RHBDD1: variants seen among roughly 807,000 people sequenced by gnomAD.
RHBDD1 encodes the protein rhomboid-related protein 4.
Under a neutral mutation model 36.3 loss-of-function variants are expected in RHBDD1, and 38 were observed. That is an observed-to-expected ratio of 1.05 (90% confidence interval 0.81 to 1.37). The LOEUF is 1.37. Ranked by LOEUF, RHBDD1 falls within the 40% of genes most tolerant of loss-of-function variation. RHBDD1 has a pLI of 0.00. For synonymous variants in RHBDD1, 151 were observed against 136.5 expected (o/e 1.11, Z -0.74); for missense variants, 393 against 377.6 (o/e 1.04, Z -0.34).
chr2:226,970,567 C>G (rs185682789), intron 8 of RHBDD1, among the ~76,000 whole-genome samples: 1 of 152,190 alleles, frequency 6.6e-6, no homozygotes, highest in African/African-American at 2.4e-5. Flanking sequence ...AGGTCCATTT[C>G]TCTTCTCAGG....
At chr2:226,801,162 G>A in the RHBDD1 span, among the ~76,000 whole-genome samples, 7 of 152,328 alleles carry the variant, frequency 4.6e-5, no homozygotes, top group Non-Finnish European at 8.8e-5. Context: ...TGCTGGCTGG[G>A]CACTCAGCAG....
chr2:226,956,977 GA>G (rs914164478), intron 8 of RHBDD1, among the ~76,000 whole-genome samples: 13 of 152,286 alleles, frequency 8.5e-5, no homozygotes, highest in African/African-American at 3.1e-4. Flanking sequence ...CTTCAAGGTT[GA>G]AAAAGATAAG....
chr2:226,968,242 G>T (rs1210760354), intron 8 of RHBDD1, among the ~76,000 whole-genome samples: 1 of 152,162 alleles, frequency 6.6e-6, no homozygotes, highest in Non-Finnish European at 1.5e-5. Context: ...GGTTCAACCA[G>T]GAGACAAAAC....
At chr2:226,914,147 A>G in intron 7 of RHBDD1, 61 bp from the exon 8 acceptor site, 2 of 1,493,466 alleles carry the variant, frequency 1.3e-6, no homozygotes, top group Non-Finnish European at 9.2e-7. Flanking sequence ...CTTATACAAA[A>G]CAGGAAGTAT....
At chr2:226,911,741 A>C (rs1290533766) in intron 7 of RHBDD1, among the ~76,000 whole-genome samples, 3 of 152,036 alleles carry the variant, frequency 2.0e-5, no homozygotes, top group African/African-American at 7.2e-5. Flanking sequence ...GTAAGATCCA[A>C]GTTCAGTTTT....
Position 226,906,880 on chromosome 2 carries a change from A to G in RHBDD1, c.654A>G (p.Ala218=), listed in dbSNP as rs1425510459. 6.2e-7 allele frequency: 1 copy of G among 1,614,134 alleles called. No individual in the cohort carries two copies. The highest frequency in any genetic ancestry group is 1.3e-5 in the African/African-American group (1 of 75,072). ...TGAAGAAAATCATGGAAGCATGTGC[A>G]GGTACAGAATAAAACACCTTTGGCA... ...GPLKKIMEAC[A]GGFSSSVGYP... Residue 218 remains alanine, a splice_region_variant and synonymous_variant, in exon 6 of 9, where the codon GCA becomes GCG. Coordinates refer to ENST00000392062, the MANE Select transcript of RHBDD1 (RefSeq NM_001167608.3).
the RHBDD1 span, among the ~76,000 whole-genome samples, chr2:226,800,468 A>G: frequency 2.0e-5 from 3 of 152,164 alleles, no homozygotes; most frequent in Non-Finnish European, 4.4e-5. Flanking sequence ...TCACTACAAA[A>G]GGAGAACAGG....
intron 8 of RHBDD1, among the ~76,000 whole-genome samples, chr2:226,917,532 T>C (rs1000757229): frequency 6.6e-6 from 1 of 152,110 alleles, no homozygotes; most frequent in Non-Finnish European, 1.5e-5. Flanking sequence ...ACTAGTTGCT[T>C]GGTTTGAAAA....
At chr2:226,922,449 C>A (rs892694202) in intron 8 of RHBDD1, among the ~76,000 whole-genome samples, 1 of 151,830 alleles carries the variant, frequency 6.6e-6, no homozygotes, top group East Asian at 1.9e-4. Flanking sequence ...CCTTGTGATC[C>A]GCCCACCTCG....
intron 5 of RHBDD1, among the ~76,000 whole-genome samples, chr2:226,903,323 G>T (rs1947747125): frequency 6.6e-6 from 1 of 152,156 alleles, no homozygotes; most frequent in South Asian, 2.1e-4. Flanking sequence ...ATTTCACACT[G>T]CTCTGCATAG....
At chr2:226,993,344 C>T (rs1382661316) in intron 8 of RHBDD1, among the ~76,000 whole-genome samples, 1 of 152,206 alleles carries the variant, frequency 6.6e-6, no homozygotes, top group Non-Finnish European at 1.5e-5. Context: ...TGACTCTGCC[C>T]TCAGCTAGTT....
intron 8 of RHBDD1, among the ~76,000 whole-genome samples, chr2:226,949,802 G>A (rs1348663094): frequency 1.3e-5 from 2 of 152,032 alleles, no homozygotes; most frequent in Admixed American, 6.6e-5. Context: ...CCTTTCCCCC[G>A]TGTCCTCCCA....
chr2:226,945,322 C>T (rs1435038613), intron 8 of RHBDD1, among the ~76,000 whole-genome samples: 1 of 152,106 alleles, frequency 6.6e-6, no homozygotes, highest in East Asian at 1.9e-4. Context: ...CTCCCACGCC[C>T]TGACAGGCCC....
intron 8 of RHBDD1, among the ~76,000 whole-genome samples, chr2:226,969,613 C>T (rs920258886): frequency 3.3e-5 from 5 of 152,038 alleles, no homozygotes; most frequent in African/African-American, 7.2e-5. Flanking sequence ...ACGTGAGTCC[C>T]GTTTGACAGA....
intron 8 of RHBDD1, among the ~76,000 whole-genome samples, chr2:226,936,323 T>C (rs1447865953): frequency 6.6e-6 from 1 of 152,152 alleles, no homozygotes; most frequent in African/African-American, 2.4e-5. Context: ...ACTTATATCT[T>C]AGATTGTACT....
chr2:226,840,821 A>G (rs1324845973), intron 3 of RHBDD1, among the ~76,000 whole-genome samples: 1 of 152,126 alleles, frequency 6.6e-6, no homozygotes, highest in Non-Finnish European at 1.5e-5. Context: ...TTTATAAATA[A>G]TATATAGGGG....
intron 5 of RHBDD1, among the ~76,000 whole-genome samples, chr2:226,876,789 A>G (rs932281643): frequency 5.0e-4 from 76 of 152,208 alleles, no homozygotes; most frequent in Admixed American, 5.0e-3. Flanking sequence ...AAAAAAATTA[A>G]TATAATTCAT....
intron 3 of RHBDD1, among the ~76,000 whole-genome samples, chr2:226,847,018 A>G (rs1411412703): frequency 6.6e-6 from 1 of 152,174 alleles, no homozygotes; most frequent in African/African-American, 2.4e-5. Context: ...GCACATGTGG[A>G]TAGGTATAGC....
intron 5 of RHBDD1, among the ~76,000 whole-genome samples, chr2:226,891,342 G>A (rs1355100562): frequency 1.3e-5 from 2 of 152,176 alleles, no homozygotes; most frequent in Admixed American, 6.5e-5. Flanking sequence ...TCTCCCTAAG[G>A]CAGCTCACAA....
Sources: gnomAD v4.1 joint callset for allele counts (sites outside exome capture counted in the v4.1 genomes callset) on GRCh38, gnomAD v4.1.1 for gene constraint, MANE v1.5 for transcripts, NCBI Gene and HGNC (gene_info 2026-07-23, HGNC 2026-07-21) for gene names.